Variants in CYTH3 observed in about 807,000 individuals in gnomAD.
CYTH3 encodes the protein cytohesin 3.
Under a neutral mutation model 55.1 loss-of-function variants are expected in CYTH3, and 23 were observed. That is an observed-to-expected ratio of 0.42 (90% CI 0.30 to 0.59). The LOEUF (loss-of-function observed/expected upper bound fraction) is 0.59, where lower values mean the gene tolerates loss of function less well. Ranked by LOEUF, CYTH3 falls within the 20% of genes least tolerant of loss-of-function variation. The pLI is 0.20. For synonymous variants in CYTH3, 249 were observed against 194.9 expected (o/e 1.28, Z -2.31); for missense variants, 413 against 524.8 (o/e 0.79, Z 2.08).
intron 1 of CYTH3, among the ~76,000 whole-genome samples, chr7:6,240,003 T>C (rs541097924): frequency 1.3e-5 from 2 of 152,316 alleles, no homozygotes; most frequent in African/African-American, 2.4e-5. Context: ...ATATATTTAA[T>C]GCAATCAGAA....
chr7:6,219,068 G>C (rs1784489044), intron 1 of CYTH3, among the ~76,000 whole-genome samples: 1 of 146,712 alleles, frequency 6.8e-6, no homozygotes, highest in South Asian at 2.1e-4. Context: ...GCAGAGTACA[G>C]AAAGTCTGTA....
At chr7:6,193,046 C>T (rs939686936) in intron 1 of CYTH3, among the ~76,000 whole-genome samples, 6 of 151,300 alleles carry the variant, frequency 4.0e-5, no homozygotes, top group African/African-American at 1.2e-4. Flanking sequence ...GTGGTGGGCG[C>T]CTGTAATCCC....
chr7:6,225,813 GA>G, intron 1 of CYTH3, among the ~76,000 whole-genome samples: 1 of 152,014 alleles, frequency 6.6e-6, no homozygotes, highest in South Asian at 2.1e-4. Context: ...CTGAGTAGCT[GA>G]GATTACAGGC....
chr7:6,208,011 G>A (rs555881484), intron 1 of CYTH3, among the ~76,000 whole-genome samples: 1 of 152,208 alleles, frequency 6.6e-6, no homozygotes, highest in South Asian at 2.1e-4. Context: ...CTGTTCTATA[G>A]GATGATACTT....
chr7:6,237,025 C>A (rs1583186285), intron 1 of CYTH3, among the ~76,000 whole-genome samples: 1 of 152,192 alleles, frequency 6.6e-6, no homozygotes, highest in Non-Finnish European at 1.5e-5. Flanking sequence ...CTTTTCACAA[C>A]GGCTCACAGA....
intron 1 of CYTH3, among the ~76,000 whole-genome samples, chr7:6,232,192 A>G (rs1320918842): frequency 6.6e-6 from 1 of 152,156 alleles, no homozygotes; most frequent in Admixed American, 6.5e-5. Context: ...ACATATGCAC[A>G]ATTCTGGTTA....
intron 1 of CYTH3, among the ~76,000 whole-genome samples, chr7:6,259,591 A>G (rs1780224621): frequency 6.7e-6 from 1 of 149,656 alleles, no homozygotes; most frequent in African/African-American, 2.5e-5. Flanking sequence ...TCTCATGTCT[A>G]TTCTATGTTA....
chr7:6,166,821 T>C (rs1298540631), intron 9 of CYTH3, among the ~76,000 whole-genome samples: 1 of 152,156 alleles, frequency 6.6e-6, no homozygotes, highest in Non-Finnish European at 1.5e-5. Context: ...TAAGGCAGCC[T>C]GCAATGCGGT....
At chr7:6,241,226 T>C (rs992598287) in intron 1 of CYTH3, among the ~76,000 whole-genome samples, 2 of 151,244 alleles carry the variant, frequency 1.3e-5, no homozygotes, top group Non-Finnish European at 2.9e-5. Flanking sequence ...AAAAGAGAAA[T>C]GGTGAAGTGG....
intron 1 of CYTH3, among the ~76,000 whole-genome samples, chr7:6,258,979 C>G (rs990566608): frequency 3.3e-5 from 5 of 152,172 alleles, no homozygotes; most frequent in Non-Finnish European, 5.9e-5. Flanking sequence ...TTCATAGCAA[C>G]CAAATAGGTC....
In CYTH3 at chr7:6,169,783, C is replaced by T. The variant is rs1170662839; in HGVS notation, c.823+752G>A. Among the ~76,000 whole-genome samples, 1 of 152,148 alleles carries T rather than the reference C, an allele frequency of 6.6e-6. No individual in the cohort carries two copies. The highest frequency in any genetic ancestry group is 1.5e-5 in the Non-Finnish European group (1 of 68,038). ...TGGGTTAGTATGGGGTGGAGGGTGA[C>T]GCCGCAGGGACAGGGCTGGCTGTCT... On this transcript the variant is annotated intron_variant, in intron 9 of 12. Transcript: ENST00000350796. The surrounding 1 kb of genome is among the most constrained non-coding windows in gnomAD (Gnocchi z 4.1).
intron 1 of CYTH3, among the ~76,000 whole-genome samples, chr7:6,256,745 G>A (rs554916050): frequency 6.6e-6 from 1 of 152,314 alleles, no homozygotes; most frequent in East Asian, 1.9e-4. Flanking sequence ...TGTTCTGCAT[G>A]TCCAGCCAAA....
At chr7:6,172,783 G>C in intron 6 of CYTH3, 1 of 1,278,692 alleles carries the variant, frequency 7.8e-7, no homozygotes, top group Non-Finnish European at 1.0e-6. Flanking sequence ...AATCTGATAA[G>C]CCTGAACTGC....
At chr7:6,210,691 C>G (rs1332569845) in intron 1 of CYTH3, among the ~76,000 whole-genome samples, 1 of 152,162 alleles carries the variant, frequency 6.6e-6, no homozygotes, top group Non-Finnish European at 1.5e-5. Flanking sequence ...TCATTTTTTT[C>G]CAAACCATTT....
intron 4 of CYTH3, among the ~76,000 whole-genome samples, chr7:6,178,887 T>C (rs1783409843): frequency 6.6e-6 from 1 of 152,130 alleles, no homozygotes; most frequent in Admixed American, 6.5e-5. Flanking sequence ...TTAATAGAAA[T>C]GTTTACCTCT....
At chr7:6,189,697 C>A (rs377369760) in intron 2 of CYTH3, among the ~76,000 whole-genome samples, 1 of 152,194 alleles carries the variant, frequency 6.6e-6, no homozygotes, top group South Asian at 2.1e-4. Context: ...CAAAGGGCAT[C>A]TGAGAGCCAA....
At chr7:6,210,787 T>A (rs1270479210) in intron 1 of CYTH3, among the ~76,000 whole-genome samples, 2 of 152,228 alleles carry the variant, frequency 1.3e-5, no homozygotes, top group Non-Finnish European at 2.9e-5. Flanking sequence ...TTTTTCCTCC[T>A]CAGCATCTTT....
intron 1 of CYTH3, among the ~76,000 whole-genome samples, chr7:6,231,777 T>C (rs1779396399): frequency 6.6e-6 from 1 of 152,082 alleles, no homozygotes; most frequent in African/African-American, 2.4e-5. Flanking sequence ...GGGATCCCAT[T>C]TATAATTGGA....
At chr7:6,194,715 G>A (rs1192385173) in intron 1 of CYTH3, among the ~76,000 whole-genome samples, 3 of 152,162 alleles carry the variant, frequency 2.0e-5, no homozygotes, top group African/African-American at 4.8e-5. Context: ...CGTGGCTCAC[G>A]CCTGTAATCC....
Sources: allele counts gnomAD v4.1 joint callset (sites outside exome capture counted in the v4.1 genomes callset), GRCh38; gene constraint gnomAD v4.1.1; non-coding constraint Gnocchi (gnomAD v3.1); transcripts MANE v1.5; gene names NCBI Gene and HGNC (gene_info 2026-07-23, HGNC 2026-07-21).